Variants in SSBP2 observed in about 807,000 individuals in gnomAD.
The protein encoded by SSBP2 is single stranded DNA binding protein 2, also known as single-stranded DNA-binding protein 2.
Under a neutral mutation model 61.8 loss-of-function variants are expected in SSBP2, and 17 were observed. The observed-to-expected ratio is 0.28, with a 90% CI of 0.19 to 0.41. The LOEUF is 0.41. SSBP2 is among the 10% of genes least tolerant of loss of function. The probability of loss-of-function intolerance (pLI) is 1.00; values close to 1 mark genes in which losing one functional copy is unlikely to be tolerated. For synonymous variants in SSBP2, 139 were observed against 141.3 expected, an observed-to-expected ratio of 0.98 and a Z score of 0.12; for missense variants, 310 against 458.7, an observed-to-expected ratio of 0.68 and a Z score of 2.96.
chr5:81,493,771 A>T (rs932645964), intron 5 of SSBP2, among the ~76,000 whole-genome samples: 4 of 151,756 alleles, frequency 2.6e-5, no homozygotes, highest in African/African-American at 7.3e-5. Context: ...AAAAAATAAA[A>T]TAAAATTGTA....
At chr5:81,704,795 CAAAAAAAAA>C (rs34376110) in intron 1 of SSBP2, among the ~76,000 whole-genome samples, 12 of 51,994 alleles carry the variant, frequency 2.3e-4, no homozygotes, top group Admixed American at 2.9e-4. Context: ...GATTCCATCT[CAAAAAAAAA>C]AAAAAAAAAA....
intron 4 of SSBP2, among the ~76,000 whole-genome samples, chr5:81,568,273 G>A (rs78481042): frequency 0.042 from 6,404 of 152,198 alleles, 448 homozygotes; most frequent in African/African-American, 0.14. Context: ...CCCCAAAACT[G>A]TTCTTGTGGT....
chr5:81,633,344 G>C (rs13169118), intron 3 of SSBP2, among the ~76,000 whole-genome samples: 1 of 152,046 alleles, frequency 6.6e-6, no homozygotes, highest in East Asian at 1.9e-4. Context: ...TCGAACTCCT[G>C]ATCTCAAGTG....
intron 10 of SSBP2, among the ~76,000 whole-genome samples, chr5:81,459,515 G>T (rs1764395753): frequency 6.6e-6 from 1 of 152,154 alleles, no homozygotes; most frequent in Non-Finnish European, 1.5e-5. Context: ...TAAGAGAATG[G>T]TTTTTGTGCT....
At chr5:81,580,666 A>G (rs192033541) in intron 4 of SSBP2, among the ~76,000 whole-genome samples, 19 of 152,106 alleles carry the variant, frequency 1.2e-4, no homozygotes, top group Middle Eastern at 3.4e-3. Context: ...AGTACATTAC[A>G]TTAAGTATAT....
At chr5:81,505,012 T>TATTA (rs1406880902) in intron 5 of SSBP2, among the ~76,000 whole-genome samples, 2 of 152,352 alleles carry the variant, frequency 1.3e-5, no homozygotes, top group Admixed American at 6.5e-5. Flanking sequence ...AGGACTCTCG[T>TATTA]ATTAGTATTC....
At chr5:81,511,767 C>T (rs1768627722) in intron 5 of SSBP2, among the ~76,000 whole-genome samples, 1 of 152,052 alleles carries the variant, frequency 6.6e-6, no homozygotes, top group Non-Finnish European at 1.5e-5. Flanking sequence ...TTAATAATGC[C>T]TCACGGGCTA....
intron 6 of SSBP2, among the ~76,000 whole-genome samples, chr5:81,486,424 T>G (rs1280397694): frequency 2.6e-5 from 4 of 152,164 alleles, no homozygotes; most frequent in Non-Finnish European, 5.9e-5. Flanking sequence ...TGAATACAAT[T>G]CCAATAATTT....
intron 2 of SSBP2, among the ~76,000 whole-genome samples, chr5:81,643,060 C>T (rs948825211): frequency 6.6e-6 from 1 of 152,208 alleles, no homozygotes; most frequent in Non-Finnish European, 1.5e-5. Flanking sequence ...TTCCTAACCT[C>T]CTTGCCATTT....
intron 1 of SSBP2, among the ~76,000 whole-genome samples, chr5:81,719,299 T>A (rs989952649): frequency 2.0e-5 from 3 of 152,150 alleles, no homozygotes; most frequent in African/African-American, 7.2e-5. Context: ...CCTTTCCCCA[T>A]GCCCATCCCC....
intron 1 of SSBP2, among the ~76,000 whole-genome samples, chr5:81,735,070 T>A (rs1756511743): frequency 2.0e-5 from 3 of 152,038 alleles, no homozygotes; most frequent in Admixed American, 2.0e-4. Context: ...GCTAAATTAA[T>A]GATCAAAGCA....
At chr5:81,525,680 C>A (rs1031225645) in intron 4 of SSBP2, among the ~76,000 whole-genome samples, 1 of 151,960 alleles carries the variant, frequency 6.6e-6, no homozygotes, top group African/African-American at 2.4e-5. Flanking sequence ...ACCTGTAAAG[C>A]ATTCCCACTG....
At chr5:81,523,673 G>A (rs112766713) in intron 4 of SSBP2, among the ~76,000 whole-genome samples, 2 of 151,994 alleles carry the variant, frequency 1.3e-5, no homozygotes, top group African/African-American at 2.4e-5. Flanking sequence ...TATTGTCTTC[G>A]TATGAATTTC....
chr5:81,534,733 A>G (rs1285771508), intron 4 of SSBP2, among the ~76,000 whole-genome samples: 1 of 152,094 alleles, frequency 6.6e-6, no homozygotes, highest in Non-Finnish European at 1.5e-5. Context: ...CAAAAAGTGT[A>G]AATATGTGTA....
chr5:81,652,117 A>C (rs1381147390), intron 1 of SSBP2, among the ~76,000 whole-genome samples: 1 of 152,176 alleles, frequency 6.6e-6, no homozygotes, highest in African/African-American at 2.4e-5. Context: ...GGAATTTGAA[A>C]GTGAGAGGCA....
intron 15 of SSBP2, among the ~76,000 whole-genome samples, chr5:81,433,592 TA>T (rs532034844): frequency 0.017 from 1,817 of 103,958 alleles, 27 homozygotes; most frequent in South Asian, 0.051. Context: ...GAATGATCAA[TA>T]AAAAAAAAAA....
At chr5:81,744,337 T>G (rs1354654020) in intron 1 of SSBP2, among the ~76,000 whole-genome samples, 4 of 152,188 alleles carry the variant, frequency 2.6e-5, no homozygotes, top group Non-Finnish European at 4.4e-5. Flanking sequence ...TTTTTTCTCA[T>G]CTAAAATAGA....
Position 81,416,122 on chromosome 5 carries a change from A to T in SSBP2, c.*4382T>A, listed in dbSNP as rs1055097663. 3 of 151,500 alleles carry T rather than the reference A, an allele frequency of 2.0e-5. No homozygotes were observed. Among genetic ancestry groups the T allele is most frequent in the Non-Finnish European group, 4.4e-5 (3 of 68,066 alleles). The allele number at this position is 151,500 out of a possible 1,614,324, so 9.4% of individuals were successfully genotyped here. A position where few individuals can be genotyped will look rare whatever the true frequency, so the allele number is the denominator to read the frequency against. ...ATCCAGCTACTCTGGAGGCTGAGGCAGGAGAATCTCTGGAACCTGGGAGGC... is the reference window on the plus strand; with the variant it reads ...ATCCAGCTACTCTGGAGGCTGAGGCTGGAGAATCTCTGGAACCTGGGAGGC... On this transcript the variant is annotated 3_prime_UTR_variant, in exon 17 of 17. Coordinates refer to ENST00000320672, the MANE Select transcript of SSBP2 (RefSeq NM_012446.5).
intron 5 of SSBP2, among the ~76,000 whole-genome samples, chr5:81,498,268 G>A (rs372559578): frequency 6.6e-6 from 1 of 152,108 alleles, no homozygotes; most frequent in East Asian, 1.9e-4. Flanking sequence ...CAACGTTTAG[G>A]TAAAAACACA....
Sources: gnomAD v4.1 joint callset for allele counts (sites outside exome capture counted in the v4.1 genomes callset) on GRCh38, gnomAD v4.1.1 for gene constraint, MANE v1.5 for transcripts, NCBI Gene and HGNC (gene_info 2026-07-23, HGNC 2026-07-21) for gene names.